SOAT1: variants seen among roughly 807,000 people sequenced by gnomAD.
SOAT1 encodes the protein sterol O-acyltransferase 1.
In SOAT1, 55 loss-of-function variants were observed where a neutral mutation model predicts 69.5. That is an observed-to-expected ratio of 0.79 (90% CI 0.64 to 0.99). The LOEUF is 0.99. Ranked by LOEUF, SOAT1 falls within the 50% of genes least tolerant of loss-of-function variation. The pLI, the probability that SOAT1 is intolerant of heterozygous loss-of-function variation, is 0.00. For synonymous variants in SOAT1, 231 were observed against 224.7 expected (o/e 1.03, Z -0.25); for missense variants, 580 against 669.3 (o/e 0.87, Z 1.47).
chr1:179,329,353 A>T (rs569873665), intron 3 of SOAT1, among the ~76,000 whole-genome samples: 4 of 151,948 alleles, frequency 2.6e-5, no homozygotes, highest in African/African-American at 9.6e-5. Context: ...AAAATAAATT[A>T]AAAAAAAGAC....
At chr1:179,331,868 A>G (rs1206524998) in intron 3 of SOAT1, among the ~76,000 whole-genome samples, 2 of 152,190 alleles carry the variant, frequency 1.3e-5, no homozygotes, top group African/African-American at 2.4e-5. Context: ...CCATGCCACC[A>G]AGATTAAAAG....
Position 179,293,843 on chromosome 1 carries a change from C to T in SOAT1, c.-102C>T, listed in dbSNP as rs1265014834. 6.6e-6 allele frequency: 1 copy of T among 152,492 alleles called. No homozygotes were observed. The highest frequency in any genetic ancestry group is 1.5e-5 in the Non-Finnish European group (1 of 68,248). The allele number at this position is 152,492 out of a possible 1,614,324, so 9.4% of individuals were successfully genotyped here. A position where few individuals can be genotyped will look rare whatever the true frequency, so the allele number is the denominator to read the frequency against. ...TTGCGGGCCCTGGGCGCCAGGAGAG[C>T]TTCCCGGAGTCGACCTTCCTGCTGG... On this transcript the variant is annotated 5_prime_UTR_variant, in exon 1 of 16. Coordinates refer to ENST00000367619, the MANE Select transcript of SOAT1 (RefSeq NM_003101.6).
In SOAT1 at chr1:179,344,988, G is replaced by C; in HGVS notation, c.1029G>C (p.Arg343Ser). The change falls in exon 11 of 16, where the codon AGG (arginine) becomes AGC (serine). Residue 343 changes from arginine to serine, a missense_variant. By Grantham distance (110) the Arg-to-Ser change is moderately radical. Transcript: ENST00000367619. ...CFFYVYYIFERLCAPLFRNIK... is the reference protein window; with the variant it reads ...CFFYVYYIFESLCAPLFRNIK... ...TCTATGTGTACTACATCTTTGAAAG[G>C]CTTTGTGCCCCCTTGTTTCGGAATA... 6.2e-7 allele frequency: 1 copy of C among 1,613,988 alleles called. No individual in the cohort carries two copies. The highest frequency in any genetic ancestry group is 2.2e-5 in the East Asian group (1 of 44,862).
chr1:179,299,745 C>CTTTTTTTTTTTTTTTTTTTTGTT (rs1664768459), intron 1 of SOAT1, among the ~76,000 whole-genome samples: 1 of 69,520 alleles, frequency 1.4e-5, no homozygotes, highest in Non-Finnish European at 2.5e-5. Context: ...ATTTTGCTAT[C>CTTTTTTTTTTTTTTTTTTTTGTT]TTTTTTTTTT....
chr1:179,340,641 G>C (rs923405894), intron 6 of SOAT1, among the ~76,000 whole-genome samples: 15 of 151,866 alleles, frequency 9.9e-5, no homozygotes, highest in Middle Eastern at 3.2e-3. Context: ...ATCATCTTTT[G>C]TACATAAGAA....
intron 2 of SOAT1, among the ~76,000 whole-genome samples, chr1:179,309,443 A>G (rs1263437191): frequency 3.3e-5 from 5 of 152,270 alleles, no homozygotes; most frequent in East Asian, 1.9e-4. Flanking sequence ...AAATTTAGAC[A>G]TTATCAAATT....
chr1:179,327,281 T>A (rs912461359), intron 3 of SOAT1, among the ~76,000 whole-genome samples: 6 of 152,342 alleles, frequency 3.9e-5, no homozygotes, highest in Non-Finnish European at 5.9e-5. Flanking sequence ...TAATTTTTTT[T>A]AAATGCAAGT....
intron 3 of SOAT1, among the ~76,000 whole-genome samples, chr1:179,326,864 G>A (rs538335713): frequency 6.6e-6 from 1 of 152,120 alleles, no homozygotes; most frequent in African/African-American, 2.4e-5. Context: ...CCAGCCAATT[G>A]CAATGTTTCT....
intron 2 of SOAT1, among the ~76,000 whole-genome samples, chr1:179,308,597 G>A (rs1277756093): frequency 5.3e-5 from 8 of 151,192 alleles, no homozygotes; most frequent in Non-Finnish European, 1.0e-4. Flanking sequence ...GCTTGAACCT[G>A]GGAGACGGAG....
intron 1 of SOAT1, among the ~76,000 whole-genome samples, chr1:179,297,949 C>G (rs1232454598): frequency 6.7e-6 from 1 of 149,270 alleles, no homozygotes; most frequent in Non-Finnish European, 1.5e-5. Context: ...TTGCGGTGAG[C>G]TGAGATCGTG....
At chr1:179,343,748 C>T (rs998650627) in intron 10 of SOAT1, 113 bp downstream of exon 10, 2 of 747,050 alleles carry the variant, frequency 2.7e-6, no homozygotes, top group Non-Finnish European at 4.5e-6. Context: ...TTTCTGTTGA[C>T]ATTATGCAGT....
At chr1:179,338,621 CT>C (rs1286394065) in intron 5 of SOAT1, among the ~76,000 whole-genome samples, 1 of 152,042 alleles carries the variant, frequency 6.6e-6, no homozygotes, top group African/African-American at 2.4e-5. Flanking sequence ...AGGAATTAAT[CT>C]TTTAAAGTTT....
intron 3 of SOAT1, 66 bp from the exon 4 acceptor site, chr1:179,335,440 G>T: frequency 7.1e-7 from 1 of 1,416,110 alleles, no homozygotes. Flanking sequence ...GAGCCCTTTA[G>T]AGAAATGCTA....
chr1:179,320,126 G>T (rs1337912589), intron 2 of SOAT1, among the ~76,000 whole-genome samples: 1 of 151,798 alleles, frequency 6.6e-6, no homozygotes, highest in Non-Finnish European at 1.5e-5. Flanking sequence ...TGTTCTTTTG[G>T]TGTTTAAGAA....
intron 3 of SOAT1, among the ~76,000 whole-genome samples, chr1:179,332,372 CTA>C (rs771880552): frequency 1.1e-4 from 16 of 152,144 alleles, no homozygotes; most frequent in Non-Finnish European, 1.5e-5. Context: ...GTTCCTTTAA[CTA>C]TGTGTTCCAA....
intron 1 of SOAT1, among the ~76,000 whole-genome samples, chr1:179,301,291 T>C (rs1664823066): frequency 6.6e-6 from 1 of 152,218 alleles, no homozygotes; most frequent in African/African-American, 2.4e-5. Flanking sequence ...TCTTTGATCA[T>C]GTTTTTTAGT....
At chr1:179,333,175 G>A (rs1024714850) in intron 3 of SOAT1, among the ~76,000 whole-genome samples, 6 of 152,126 alleles carry the variant, frequency 3.9e-5, no homozygotes, top group African/African-American at 1.2e-4. Context: ...AGACTGAGGG[G>A]GAGAGGTTGG....
chr1:179,299,778 G>C (rs192315679), intron 1 of SOAT1, among the ~76,000 whole-genome samples: 1 of 89,344 alleles, frequency 1.1e-5, no homozygotes, highest in East Asian at 2.8e-4. Flanking sequence ...TTTTGAGACG[G>C]AGTCTTGCTC....
intron 3 of SOAT1, among the ~76,000 whole-genome samples, chr1:179,324,273 T>G (rs2124966979): frequency 6.6e-6 from 1 of 152,374 alleles, no homozygotes; most frequent in East Asian, 1.9e-4. Context: ...TTGATGTCAA[T>G]GTCTTTGTTA....
Sources: allele counts gnomAD v4.1 joint callset (sites outside exome capture counted in the v4.1 genomes callset), GRCh38; gene constraint gnomAD v4.1.1; transcripts MANE v1.5; gene names NCBI Gene and HGNC (gene_info 2026-07-23, HGNC 2026-07-21).